The following IMMP2L variants were observed in gnomAD, a reference collection of about 807,000 sequenced individuals.
IMMP2L encodes mitochondrial inner membrane protease subunit 2.
IMMP2L carries 18 observed loss-of-function variants against 19.3 expected under a neutral mutation model. The observed-to-expected ratio is 0.93, with a 90% CI of 0.64 to 1.38. The LOEUF is 1.38. Among genes scored for constraint, IMMP2L ranks in the 40% most tolerant of loss-of-function variants. The pLI, the probability that IMMP2L is intolerant of heterozygous loss-of-function variation, is 0.00. For missense variants in IMMP2L, 233 were observed against 218.2 expected, an observed-to-expected ratio of 1.07 and a Z score of -0.43; for synonymous variants, 76 against 73.0, an observed-to-expected ratio of 1.04 and a Z score of -0.21.
At chr7:111,102,289 C>CT (rs1307845513) in intron 3 of IMMP2L, among the ~76,000 whole-genome samples, 9 of 151,180 alleles carry the variant, frequency 6.0e-5, no homozygotes, top group African/African-American at 1.5e-4. Context: ...TCAAATCATT[C>CT]TTTTTTTTAA....
intron 5 of IMMP2L, among the ~76,000 whole-genome samples, chr7:110,774,945 G>C (rs1272500801): frequency 6.6e-6 from 1 of 151,888 alleles, no homozygotes. Flanking sequence ...AAAAAATAAT[G>C]AACTGGTTAA....
At chr7:111,402,211 G>A (rs945692682) in intron 3 of IMMP2L, among the ~76,000 whole-genome samples, 3 of 150,540 alleles carry the variant, frequency 2.0e-5, no homozygotes, top group Non-Finnish European at 4.4e-5. Context: ...CATTCACAAT[G>A]TACATGTCCT....
Position 111,197,842 on chromosome 7 carries a change from G to A in IMMP2L, c.240-234277C>T, listed in dbSNP as rs543435200. ...TGCTCCTTTGAAAATTACTCTTGAT[G>A]CTAGGCAATTACTTTCAAATTAAAA... On this transcript the variant is annotated intron_variant, in intron 3 of 5. Coordinates refer to ENST00000405709, the MANE Select transcript of IMMP2L (RefSeq NM_032549.4). Among the ~76,000 whole-genome samples the A allele has an allele frequency of 2.3e-4, 35 of 152,290 alleles. No homozygotes were observed. The South Asian group carries it at 7.3e-3, about 32-fold the overall frequency.
Position 111,469,350 on chromosome 7 carries a change from T to C in IMMP2L, c.239+17888A>G, listed in dbSNP as rs570278180. ...AATCTATAAATTACCTTGGGCAGTA[T>C]GGCCATTTTCATGATATTGATTCTT... is the stretch of plus-strand genomic sequence containing the variant. On this transcript the variant is annotated intron_variant, in intron 3 of 5. Transcript: ENST00000405709. Among the ~76,000 whole-genome samples, 11 of 152,268 alleles carry C rather than the reference T, an allele frequency of 7.2e-5. 1 individual carries two copies. In the South Asian group the frequency reaches 1.9e-3, roughly 26 times the overall value.
intron 3 of IMMP2L, among the ~76,000 whole-genome samples, chr7:111,454,142 T>G (rs1041036338): frequency 6.6e-6 from 1 of 152,078 alleles, no homozygotes; most frequent in Non-Finnish European, 1.5e-5. Context: ...TGGTTTTTGT[T>G]TTTTATTAGA....
intron 3 of IMMP2L, among the ~76,000 whole-genome samples, chr7:110,967,366 T>G (rs58932250): frequency 0.11 from 17,263 of 152,006 alleles, 1,632 homozygotes; most frequent in African/African-American, 0.26. Context: ...ATGGAGAGAT[T>G]AGCATATGTC....
chr7:111,109,341 A>G (rs1798920678), intron 3 of IMMP2L, among the ~76,000 whole-genome samples: 1 of 152,118 alleles, frequency 6.6e-6, no homozygotes, highest in South Asian at 2.1e-4. Flanking sequence ...CATCATGCTT[A>G]CGAACTACAA....
chr7:110,984,900 T>C (rs1198648731), intron 3 of IMMP2L, among the ~76,000 whole-genome samples: 1 of 152,118 alleles, frequency 6.6e-6, no homozygotes, highest in Non-Finnish European at 1.5e-5. Flanking sequence ...TGCTAATCAA[T>C]GGACCTTTGG....
chr7:111,021,273 T>C lies in IMMP2L; in HGVS notation c.240-57708A>G, dbSNP rs372827760. ...GCCCTTTCTCCCTCTTCTCACTCCTTTTCTCTTCTATTTAGCAAATATTTA... is the reference window on the plus strand; with the variant it reads ...GCCCTTTCTCCCTCTTCTCACTCCTCTTCTCTTCTATTTAGCAAATATTTA... On this transcript the variant is annotated intron_variant, in intron 3 of 5. Coordinates refer to ENST00000405709, the MANE Select transcript of IMMP2L (RefSeq NM_032549.4). Among the ~76,000 whole-genome samples, 19 of 152,330 alleles carry C rather than the reference T, an allele frequency of 1.2e-4. No homozygotes were observed. In the East Asian group the frequency reaches 2.7e-3, roughly 22 times the overall value.
chr7:111,222,049 T>C (rs1260652813), intron 3 of IMMP2L, among the ~76,000 whole-genome samples: 1 of 151,900 alleles, frequency 6.6e-6, no homozygotes, highest in Non-Finnish European at 1.5e-5. Flanking sequence ...GGGGATTTAC[T>C]TTTTTCTTGT....
intron 3 of IMMP2L, among the ~76,000 whole-genome samples, chr7:111,256,574 C>T (rs1314352130): frequency 6.6e-6 from 1 of 152,072 alleles, no homozygotes; most frequent in Non-Finnish European, 1.5e-5. Context: ...TTAAAAGATG[C>T]TTGCAGCTTC....
intron 3 of IMMP2L, among the ~76,000 whole-genome samples, chr7:111,085,310 C>A (rs981181810): frequency 1.3e-5 from 2 of 152,172 alleles, no homozygotes; most frequent in Admixed American, 6.5e-5. Flanking sequence ...GCCTTTAGGT[C>A]TTTGTGGAAT....
chr7:111,281,194 GAAAGAAAGAAAGAAAGAAAGAA>G (rs1563004671), intron 3 of IMMP2L, among the ~76,000 whole-genome samples: 2,994 of 51,720 alleles, frequency 0.058, 108 homozygotes, highest in African/African-American at 0.099. Context: ...AAGAAAGAAA[GAAAGAAAGAAAGAAAGAAAGAA>G]AAAGAAAGAA....
intron 5 of IMMP2L, among the ~76,000 whole-genome samples, chr7:110,699,763 CA>C (rs55970868): frequency 0.5 from 68,611 of 137,816 alleles, 17,610 homozygotes; most frequent in African/African-American, 0.72. Flanking sequence ...GACTCTACCT[CA>C]AAAAAAAAAA....
chr7:111,110,049 C>T (rs1186862487), intron 3 of IMMP2L, among the ~76,000 whole-genome samples: 2 of 152,114 alleles, frequency 1.3e-5, no homozygotes, highest in East Asian at 3.9e-4. Context: ...GCAGGAGAAT[C>T]GCTTGAACCC....
At chr7:110,691,305 C>G (rs1793490659) in intron 5 of IMMP2L, among the ~76,000 whole-genome samples, 1 of 151,974 alleles carries the variant, frequency 6.6e-6, no homozygotes, top group African/African-American at 2.4e-5. Flanking sequence ...TCTTACCATA[C>G]ACAAAAATAA....
intron 3 of IMMP2L, among the ~76,000 whole-genome samples, chr7:110,984,813 G>A (rs1821686735): frequency 6.6e-6 from 1 of 151,990 alleles, no homozygotes; most frequent in Non-Finnish European, 1.5e-5. Context: ...CAAAATAATG[G>A]CCCTTCAAAG....
At chr7:110,994,079 T>C (rs1293412079) in intron 3 of IMMP2L, among the ~76,000 whole-genome samples, 3 of 152,116 alleles carry the variant, frequency 2.0e-5, no homozygotes, top group African/African-American at 7.2e-5. Flanking sequence ...AGTTAATGTG[T>C]TGGGAAATAG....
At chr7:111,362,569 T>A (rs1041758393) in intron 3 of IMMP2L, among the ~76,000 whole-genome samples, 3 of 152,150 alleles carry the variant, frequency 2.0e-5, no homozygotes, top group African/African-American at 7.2e-5. Flanking sequence ...TGTTACTAAA[T>A]CCTTCAAAAT....
Sources: allele counts gnomAD v4.1 joint callset (sites outside exome capture counted in the v4.1 genomes callset), GRCh38; gene constraint gnomAD v4.1.1; transcripts MANE v1.5; gene names NCBI Gene and HGNC (gene_info 2026-07-23, HGNC 2026-07-21).